Variants in GARRE1 observed in about 807,000 individuals in gnomAD.
The protein encoded by GARRE1 is granule associated Rac and RHOG effector 1.
A neutral mutation model predicts 103.2 loss-of-function variants in GARRE1; 49 were observed. The observed-to-expected ratio is 0.47, with a 90% confidence interval of 0.38 to 0.60. The LOEUF is 0.60. GARRE1 is among the 20% of genes least tolerant of loss of function. The pLI, the probability that GARRE1 is intolerant of heterozygous loss-of-function variation, is 0.00. For missense variants in GARRE1, 1,199 were observed against 1,370.5 expected (o/e 0.87, Z 1.98); for synonymous variants, 505 against 532.8 (o/e 0.95, Z 0.72).
chr19:34,338,995 G>T (rs1400694049), intron 8 of GARRE1, among the ~76,000 whole-genome samples: 1 of 152,140 alleles, frequency 6.6e-6, no homozygotes, highest in African/African-American at 2.4e-5. Flanking sequence ...GTGGCGAGAA[G>T]TGCTTAGATT....
At chr19:34,311,227 ACT>A (rs1028152049) in intron 2 of GARRE1, among the ~76,000 whole-genome samples, 5 of 151,792 alleles carry the variant, frequency 3.3e-5, no homozygotes, top group African/African-American at 4.8e-5. Flanking sequence ...TTAGTAACAA[ACT>A]CTCATTTTGT....
At chr19:34,288,031 GA>G in intron 1 of GARRE1, among the ~76,000 whole-genome samples, 1 of 152,284 alleles carries the variant, frequency 6.6e-6, no homozygotes, top group East Asian at 1.9e-4. Flanking sequence ...TGGGTAGTAT[GA>G]TTGCAAAGGA....
intron 2 of GARRE1, among the ~76,000 whole-genome samples, chr19:34,319,484 C>G (rs1418128038): frequency 6.6e-6 from 1 of 152,156 alleles, no homozygotes; most frequent in Non-Finnish European, 1.5e-5. Flanking sequence ...TATGGTCAAA[C>G]TGGCCTTCTT....
At chr19:34,295,644 C>G (rs1215202612) in intron 1 of GARRE1, among the ~76,000 whole-genome samples, 1 of 152,148 alleles carries the variant, frequency 6.6e-6, no homozygotes, top group African/African-American at 2.4e-5. Context: ...ATACTGCTCC[C>G]TCAGCCTCCC....
chr19:34,343,194 C>T (rs1342962658), intron 10 of GARRE1, among the ~76,000 whole-genome samples: 1 of 152,156 alleles, frequency 6.6e-6, no homozygotes, highest in African/African-American at 2.4e-5. Context: ...TGGCTCATGC[C>T]TGTAATCCCA....
chr19:34,303,586 G>A (rs1475270945), intron 2 of GARRE1, among the ~76,000 whole-genome samples: 1 of 152,168 alleles, frequency 6.6e-6, no homozygotes, highest in African/African-American at 2.4e-5. Flanking sequence ...AGGCTTCATG[G>A]ACCACATGTG....
At chr19:34,274,681 C>T (rs1177005637) in intron 1 of GARRE1, among the ~76,000 whole-genome samples, 1 of 152,104 alleles carries the variant, frequency 6.6e-6, no homozygotes, top group African/African-American at 2.4e-5. Flanking sequence ...GAATATGTTG[C>T]TCTTAGAAAC....
chr19:34,309,994 G>A (rs1302419904), intron 2 of GARRE1, among the ~76,000 whole-genome samples: 1 of 152,214 alleles, frequency 6.6e-6, no homozygotes, highest in Non-Finnish European at 1.5e-5. Flanking sequence ...CAGCAGGTGG[G>A]AGTCAAGGAA....
At chr19:34,281,923 C>G in intron 1 of GARRE1, among the ~76,000 whole-genome samples, 1 of 152,184 alleles carries the variant, frequency 6.6e-6, no homozygotes, top group African/African-American at 2.4e-5. Context: ...TCCTCCTTGT[C>G]TTTGTTCTTC....
chr19:34,309,902 C>CA (rs951497181), intron 2 of GARRE1, among the ~76,000 whole-genome samples: 7 of 151,028 alleles, frequency 4.6e-5, no homozygotes, highest in Non-Finnish European at 7.4e-5. Context: ...AGGTGTTCTT[C>CA]AAAAAAAATG....
intron 1 of GARRE1, among the ~76,000 whole-genome samples, chr19:34,293,556 C>T (rs747632707): frequency 4.7e-5 from 7 of 149,000 alleles, no homozygotes; most frequent in East Asian, 2.0e-4. Context: ...CCATCATGCC[C>T]GGTTAATTTT....
At chr19:34,340,144 C>A in intron 9 of GARRE1, 152 bp downstream of exon 9, 1 of 760,060 alleles carries the variant, frequency 1.3e-6, no homozygotes, top group Admixed American at 2.7e-5. Context: ...AATTTAAAAC[C>A]TGCAGCAAAG....
chr19:34,276,143 A>G (rs1261184315), intron 1 of GARRE1, among the ~76,000 whole-genome samples: 1 of 152,014 alleles, frequency 6.6e-6, no homozygotes, highest in Non-Finnish European at 1.5e-5. Flanking sequence ...TCCTAGGTTC[A>G]AGCAGTTCTC....
intron 2 of GARRE1, among the ~76,000 whole-genome samples, chr19:34,308,149 G>A (rs1240047802): frequency 6.7e-6 from 1 of 150,064 alleles, no homozygotes; most frequent in African/African-American, 2.4e-5. Context: ...CAGAAATATT[G>A]TAGAGTAACA....
intron 2 of GARRE1, among the ~76,000 whole-genome samples, chr19:34,307,613 A>G (rs373584318): frequency 4.1e-5 from 6 of 144,946 alleles, no homozygotes; most frequent in Non-Finnish European, 9.0e-5. Context: ...ACACATACAT[A>G]TATATACTTA....
intron 7 of GARRE1, among the ~76,000 whole-genome samples, chr19:34,332,757 G>T (rs1384798079): frequency 1.3e-5 from 2 of 151,844 alleles, no homozygotes; most frequent in African/African-American, 4.8e-5. Context: ...TTACAGATTT[G>T]GTTTTAAAAT....
chr19:34,262,056 T>A (rs2073721478), intron 1 of GARRE1, among the ~76,000 whole-genome samples: 1 of 152,088 alleles, frequency 6.6e-6, no homozygotes, highest in Non-Finnish European at 1.5e-5. Context: ...GGATCTCGAC[T>A]TACTGCAACC....
intron 13 of GARRE1, 28 bp from the exon 14 acceptor site, chr19:34,352,619 C>T (rs778316901): frequency 3.2e-6 from 5 of 1,580,638 alleles, no homozygotes; most frequent in East Asian, 2.3e-5. Flanking sequence ...GCCCGAAATG[C>T]CACTAAGAAC....
In GARRE1 at chr19:34,328,091, G is replaced by A. The variant is rs529061184; in HGVS notation, c.1044G>A (p.Ser348=). The A allele has an allele frequency of 2.5e-5, 41 of 1,614,162 alleles. No homozygotes were observed. In the East Asian group the frequency reaches 3.1e-4, roughly 12 times the overall value. The change falls in exon 6 of 14, where the codon TCG becomes TCA. Residue 348 remains serine (S), a synonymous_variant. Transcript: ENST00000299505. ...ELPTVPVQIG[S]HFLKGVSFNE... ...CCACCGTCCCTGTGCAGATAGGATC[G>A]CACTTCCTGAAGGGCGTCTCCTTTA...
Sources: allele counts gnomAD v4.1 joint callset (sites outside exome capture counted in the v4.1 genomes callset), GRCh38; gene constraint gnomAD v4.1.1; transcripts MANE v1.5; gene names NCBI Gene and HGNC (gene_info 2026-07-23, HGNC 2026-07-21).